Variants in PTPRD observed in about 807,000 individuals in gnomAD.
PTPRD encodes protein tyrosine phosphatase receptor type D, also known as receptor-type tyrosine-protein phosphatase delta.
A neutral mutation model predicts 214.5 loss-of-function variants in PTPRD; 34 were observed. The ratio of observed to expected loss-of-function variants is 0.16; its 90% CI spans 0.12 to 0.21. PTPRD has a LOEUF of 0.21. Ranked by LOEUF, PTPRD falls within the 10% of genes least tolerant of loss-of-function variation. PTPRD has a pLI of 1.00. For synonymous variants in PTPRD, 1,128 were observed against 845.7 expected, an observed-to-expected ratio of 1.33 and a Z score of -5.79; for missense variants, 2,545 against 2,398.7, an observed-to-expected ratio of 1.06 and a Z score of -1.27.
At chr9:10,016,232 C>T (rs2096709202) in intron 4 of PTPRD, among the ~76,000 whole-genome samples, 1 of 152,056 alleles carries the variant, frequency 6.6e-6, no homozygotes, top group Non-Finnish European at 1.5e-5. Flanking sequence ...TAAAAATTTG[C>T]TAATGACATT....
intron 8 of PTPRD, among the ~76,000 whole-genome samples, chr9:9,540,818 G>A (rs1026149277): frequency 1.1e-4 from 16 of 151,720 alleles, no homozygotes; most frequent in African/African-American, 3.9e-4. Flanking sequence ...GAAGTATTAA[G>A]TATAGGTGAG....
chr9:8,729,474 C>G (rs762575537), intron 12 of PTPRD, among the ~76,000 whole-genome samples: 3 of 152,018 alleles, frequency 2.0e-5, no homozygotes, highest in Non-Finnish European at 2.9e-5. Context: ...CACAGTGCTT[C>G]ACACGTGCTC....
intron 11 of PTPRD, among the ~76,000 whole-genome samples, chr9:8,929,546 A>G (rs1344076078): frequency 1.3e-5 from 2 of 151,758 alleles, no homozygotes; most frequent in African/African-American, 4.8e-5. Context: ...AGCCGACTTG[A>G]TCGTGGTAGA....
chr9:9,076,948 C>T (rs574407100), intron 10 of PTPRD, among the ~76,000 whole-genome samples: 1 of 152,142 alleles, frequency 6.6e-6, no homozygotes, highest in Admixed American at 6.6e-5. Flanking sequence ...CTTTTCTGCA[C>T]ATCCTTGGTA....
chr9:9,892,907 C>A (rs1268638428), intron 5 of PTPRD, among the ~76,000 whole-genome samples: 1 of 151,794 alleles, frequency 6.6e-6, no homozygotes, highest in Non-Finnish European at 1.5e-5. Flanking sequence ...AGGTTTCAGT[C>A]TGAAAAAATA....
rs116621610 is a variant in PTPRD, at chr9:9,858,275, T to G, written c.-368+80232A>C. 5.3e-3 allele frequency among the ~76,000 whole-genome samples: 806 copies of G among 152,324 alleles called. 9 individuals carry two copies. The highest frequency in any genetic ancestry group is 0.018 in the African/African-American group (761 of 41,568). ...AGACAAATGTGGACAATAAATATGA[T>G]GGCACCAAATATTTTTGCTTTGTAT... On this transcript the variant is annotated intron_variant, in intron 5 of 45. Coordinates refer to ENST00000381196, the MANE Select transcript of PTPRD (RefSeq NM_002839.4).
At chr9:9,754,724 T>C (rs2098552519) in intron 6 of PTPRD, among the ~76,000 whole-genome samples, 1 of 152,086 alleles carries the variant, frequency 6.6e-6, no homozygotes, top group South Asian at 2.1e-4. Flanking sequence ...AGTTGGACTA[T>C]ATTCTAAAAA....
At chr9:8,718,448 A>G (rs948804365) in intron 12 of PTPRD, among the ~76,000 whole-genome samples, 3 of 152,228 alleles carry the variant, frequency 2.0e-5, no homozygotes, top group Admixed American at 1.3e-4. Context: ...TAGTCTTTTT[A>G]TAACCTTTTC....
At chr9:8,873,763 C>T (rs1049432289) in intron 11 of PTPRD, among the ~76,000 whole-genome samples, 1 of 151,862 alleles carries the variant, frequency 6.6e-6, no homozygotes, top group Non-Finnish European at 1.5e-5. Context: ...GTGTCAGGCA[C>T]GTAGGTCTGC....
intron 10 of PTPRD, among the ~76,000 whole-genome samples, chr9:9,153,310 TA>T (rs2099878435): frequency 6.6e-6 from 1 of 152,210 alleles, no homozygotes; most frequent in African/African-American, 2.4e-5. Context: ...AAGGTAGTTA[TA>T]GTTAGCCAAG....
intron 4 of PTPRD, among the ~76,000 whole-genome samples, chr9:9,965,787 T>C (rs1481797756): frequency 2.6e-5 from 4 of 152,186 alleles, no homozygotes; most frequent in Admixed American, 6.5e-5. Flanking sequence ...GTACTTATGC[T>C]ACATTGTCAA....
intron 12 of PTPRD, among the ~76,000 whole-genome samples, chr9:8,663,964 G>A (rs1350907169): frequency 2.0e-5 from 3 of 150,652 alleles, no homozygotes; most frequent in Admixed American, 6.6e-5. Flanking sequence ...TTCCCAAGAC[G>A]ATCTCTGATA....
intron 10 of PTPRD, among the ~76,000 whole-genome samples, chr9:9,099,504 G>T (rs986319535): frequency 4.2e-4 from 64 of 152,200 alleles, no homozygotes; most frequent in African/African-American, 1.5e-3. Flanking sequence ...TGTGTTGCAG[G>T]TTTTGGAGGT....
intron 5 of PTPRD, among the ~76,000 whole-genome samples, chr9:9,842,796 G>C (rs1476567663): frequency 6.6e-6 from 1 of 151,888 alleles, no homozygotes; most frequent in Admixed American, 6.6e-5. Flanking sequence ...TGGAAGAAAA[G>C]GGAATGTCTT....
intron 3 of PTPRD, among the ~76,000 whole-genome samples, chr9:10,288,273 T>C (rs1051013487): frequency 6.6e-6 from 1 of 150,434 alleles, no homozygotes; most frequent in Non-Finnish European, 1.5e-5. Context: ...AAAAGCAAAA[T>C]TTGTTCATAT....
intron 8 of PTPRD, among the ~76,000 whole-genome samples, chr9:9,509,706 T>A (rs2096654146): frequency 6.6e-6 from 1 of 151,760 alleles, no homozygotes; most frequent in Non-Finnish European, 1.5e-5. Context: ...GTGGCAGTGA[T>A]TGGCTTTCTG....
chr9:10,520,545 C>T (rs1247189209), intron 2 of PTPRD, among the ~76,000 whole-genome samples: 5 of 152,184 alleles, frequency 3.3e-5, no homozygotes, highest in East Asian at 1.9e-4. Flanking sequence ...GAATTGGCTA[C>T]ACTCACCAAT....
chr9:10,402,573 C>T (rs192070652), intron 2 of PTPRD, among the ~76,000 whole-genome samples: 13 of 151,792 alleles, frequency 8.6e-5, no homozygotes, highest in Admixed American at 5.3e-4. Flanking sequence ...CTACAGTATA[C>T]ATGAACATAA....
chr9:8,958,252 C>T (rs1008972585), intron 11 of PTPRD, among the ~76,000 whole-genome samples: 16 of 151,888 alleles, frequency 1.1e-4, no homozygotes, highest in Non-Finnish European at 1.8e-4. Flanking sequence ...CTGCTTGCCA[C>T]TTCTCTCTCT....
Sources: allele counts gnomAD v4.1 joint callset (sites outside exome capture counted in the v4.1 genomes callset), GRCh38; gene constraint gnomAD v4.1.1; transcripts MANE v1.5; gene names NCBI Gene and HGNC (gene_info 2026-07-23, HGNC 2026-07-21).